ERBB4: variants seen among roughly 807,000 people sequenced by gnomAD.
The protein encoded by ERBB4 is receptor tyrosine-protein kinase erbB-4.
ERBB4 carries 42 observed loss-of-function variants against 158.0 expected under a neutral mutation model. That is an observed-to-expected ratio of 0.27 (90% confidence interval 0.21 to 0.34). The LOEUF is 0.34. ERBB4 is among the 10% of genes least tolerant of loss of function. The probability of loss-of-function intolerance (pLI) is 1.00; values close to 1 mark genes in which losing one functional copy is unlikely to be tolerated. For synonymous variants in ERBB4, 583 were observed against 558.7 expected, an observed-to-expected ratio of 1.04 and a Z score of -0.61; for missense variants, 1,333 against 1,624.1, an observed-to-expected ratio of 0.82 and a Z score of 3.08.
chr2:212,003,063 AAGAGAG>A (rs148188443), intron 2 of ERBB4, among the ~76,000 whole-genome samples: 2 of 113,966 alleles, frequency 1.8e-5, no homozygotes, highest in African/African-American at 2.9e-5. Flanking sequence ...CAAAAGAGAA[AAGAGAG>A]AGAGAGAGAG....
chr2:212,148,536 T>A (rs1173306605), intron 1 of ERBB4, among the ~76,000 whole-genome samples: 1 of 151,970 alleles, frequency 6.6e-6, no homozygotes, highest in African/African-American at 2.4e-5. Flanking sequence ...ATGAAAGAGA[T>A]GGGAGAAATG....
At chr2:211,640,779 G>C (rs1021961105) in intron 16 of ERBB4, among the ~76,000 whole-genome samples, 2 of 152,156 alleles carry the variant, frequency 1.3e-5, no homozygotes, top group African/African-American at 4.8e-5. Context: ...GTGAAAGACA[G>C]ATTAGGAAAG....
chr2:211,442,390 CCA>C (rs1298976571), intron 20 of ERBB4, among the ~76,000 whole-genome samples: 2 of 8,580 alleles, frequency 2.3e-4, no homozygotes, highest in African/African-American at 9.1e-4. Context: ...AGGTATCTAT[CCA>C]TCCATCCATC....
At chr2:211,495,247 T>C (rs567261564) in intron 20 of ERBB4, among the ~76,000 whole-genome samples, 2 of 152,110 alleles carry the variant, frequency 1.3e-5, no homozygotes, top group Admixed American at 6.5e-5. Flanking sequence ...AACAGCAAAA[T>C]ATTTTTAGAT....
intron 3 of ERBB4, among the ~76,000 whole-genome samples, chr2:211,844,763 C>G (rs188969934): frequency 6.6e-6 from 1 of 152,210 alleles, no homozygotes; most frequent in East Asian, 1.9e-4. Context: ...CTTCAATATT[C>G]CAGAGTGACA....
At position 211,714,458 on chromosome 2, in the gene ERBB4, A is replaced by G. The variant is rs376706896; in HGVS notation, c.884-810T>C. Among the ~76,000 whole-genome samples, 34 of 152,204 alleles carry G rather than the reference A, an allele frequency of 2.2e-4. 1 individual carries two copies. Among genetic ancestry groups the G allele is most frequent in the African/African-American group, 6.3e-4 (26 of 41,456 alleles). Reference sequence around the variant, plus strand: ...GAGGGGTGCCCAAAGCAGAAACGGCATATGATGTATATCTAGGCTGTGATG... The same window carrying G: ...GAGGGGTGCCCAAAGCAGAAACGGCGTATGATGTATATCTAGGCTGTGATG... On this transcript the variant is annotated intron_variant, in intron 7 of 27. Coordinates refer to ENST00000342788, the MANE Select transcript of ERBB4 (RefSeq NM_005235.3).
intron 1 of ERBB4, among the ~76,000 whole-genome samples, chr2:212,287,834 A>G (rs1338533020): frequency 6.6e-6 from 1 of 152,146 alleles, no homozygotes; most frequent in African/African-American, 2.4e-5. Flanking sequence ...GTTTTCACTT[A>G]TAAGTGGGAG....
At position 212,124,762 on chromosome 2, in the gene ERBB4, G is replaced by A. The variant is rs765191737; in HGVS notation, c.224C>T (p.Ser75Phe). The A allele has an allele frequency of 1.2e-6, 2 of 1,614,152 alleles. No individual in the cohort carries two copies. Among genetic ancestry groups the A allele is most frequent in the Non-Finnish European group, 8.5e-7 (1 of 1,180,006 alleles). ...ITSIEHNRDL[S>F]FLRSVREVTG... ...AAGCCACAGCTTTACCCGCAGGAAG[G>A]AGAGGTCCCGGTTGTGCTCAATGCT... is the stretch of plus-strand genomic sequence containing the variant. The change falls in exon 2 of 28, where the codon TCC becomes TTC. Residue 75 changes from serine to phenylalanine, a missense_variant. Around this residue, in one of 5 missense-constraint regions of ERBB4, gnomAD observed 438 missense variants for 586.9 expected, o/e 0.75. Coordinates refer to ENST00000342788, the MANE Select transcript of ERBB4 (RefSeq NM_005235.3).
intron 3 of ERBB4, among the ~76,000 whole-genome samples, chr2:211,938,444 C>G (rs771484339): frequency 3.9e-5 from 6 of 152,056 alleles, no homozygotes; most frequent in Non-Finnish European, 7.4e-5. Flanking sequence ...TAGTGCTGCA[C>G]TGTCCAATAT....
chr2:212,427,930 C>G (rs748903643), intron 1 of ERBB4, among the ~76,000 whole-genome samples: 2 of 152,130 alleles, frequency 1.3e-5, no homozygotes, highest in Non-Finnish European at 2.9e-5. Flanking sequence ...ATTCTGCAAG[C>G]TTCACTTGCA....
chr2:212,265,932 C>T (rs1231021596), intron 1 of ERBB4, among the ~76,000 whole-genome samples: 2 of 152,026 alleles, frequency 1.3e-5, no homozygotes, highest in Non-Finnish European at 2.9e-5. Flanking sequence ...ACTGAAGTGG[C>T]ATATAGTATA....
chr2:212,116,919 CCT>C (rs1290592087), intron 2 of ERBB4, among the ~76,000 whole-genome samples: 1 of 151,828 alleles, frequency 6.6e-6, no homozygotes, highest in African/African-American at 2.4e-5. Context: ...TGGTACTTAA[CCT>C]CTGAGAAAAA....
In ERBB4 at chr2:211,630,398, A is replaced by T. The variant is rs1167126185; in HGVS notation, c.2079+64T>A. 2 of 1,592,248 alleles carry T rather than the reference A, an allele frequency of 1.3e-6. 1 individual carries two copies. The highest frequency in any genetic ancestry group is 1.7e-6 in the Non-Finnish European group (2 of 1,162,018). On this transcript the variant is annotated intron_variant, in intron 17 of 27. Coordinates refer to ENST00000342788, the MANE Select transcript of ERBB4 (RefSeq NM_005235.3). ...TACTTGGATTAAATAATTGAACATC[A>T]TCTAAACCTTCTAAACCTGATGAAA...
At chr2:211,542,690 G>GT (rs1397314929) in intron 20 of ERBB4, among the ~76,000 whole-genome samples, 2 of 151,770 alleles carry the variant, frequency 1.3e-5, no homozygotes, top group Non-Finnish European at 2.9e-5. Context: ...TTTCCACCTA[G>GT]TTTTTTGCAT....
At chr2:211,927,382 A>T (rs2080044301) in intron 3 of ERBB4, among the ~76,000 whole-genome samples, 1 of 152,202 alleles carries the variant, frequency 6.6e-6, no homozygotes, top group Non-Finnish European at 1.5e-5. Context: ...CAGTTACAAA[A>T]ATATATTTTG....
chr2:211,813,594 T>C (rs867395178), intron 3 of ERBB4, among the ~76,000 whole-genome samples: 1 of 152,218 alleles, frequency 6.6e-6, no homozygotes, highest in African/African-American at 2.4e-5. Context: ...ATCATGTCAT[T>C]ATTTTAAATA....
At chr2:211,870,741 T>TTA (rs1025563901) in intron 3 of ERBB4, among the ~76,000 whole-genome samples, 116 of 152,096 alleles carry the variant, frequency 7.6e-4, no homozygotes, top group African/African-American at 2.0e-3. Context: ...GTAATTTTTA[T>TTA]TATATATATA....
At chr2:212,511,347 A>C (rs1432367276) in intron 1 of ERBB4, among the ~76,000 whole-genome samples, 1 of 152,200 alleles carries the variant, frequency 6.6e-6, no homozygotes, top group Non-Finnish European at 1.5e-5. Flanking sequence ...AAATAGCTTC[A>C]CCTAAAATTC....
intron 3 of ERBB4, among the ~76,000 whole-genome samples, chr2:211,909,230 C>G (rs1364690938): frequency 6.6e-6 from 1 of 151,556 alleles, no homozygotes; most frequent in African/African-American, 2.4e-5. Flanking sequence ...TATTTCCTGG[C>G]AACGAGGAAA....
Sources: allele counts gnomAD v4.1 joint callset (sites outside exome capture counted in the v4.1 genomes callset), GRCh38; gene constraint gnomAD v4.1.1; regional missense constraint gnomAD v4.1.1; transcripts MANE v1.5; gene names NCBI Gene and HGNC (gene_info 2026-07-23, HGNC 2026-07-21).